The following HEMK2 variants were observed in gnomAD, a reference collection of about 807,000 sequenced individuals.
The protein encoded by HEMK2 is HemK methyltransferase 2, ETF1 glutamine and histone H4 lysine, also known as methyltransferase HEMK2.
the HEMK2 span, among the ~76,000 whole-genome samples, chr21:28,733,103 C>T: frequency 1.3e-5 from 2 of 152,156 alleles, no homozygotes; most frequent in South Asian, 4.2e-4. Flanking sequence ...CACGGTGAAA[C>T]CCCGTCTCTA....
chr21:28,831,474 A>G, the HEMK2 span, among the ~76,000 whole-genome samples: 80 of 42,442 alleles, frequency 1.9e-3, 1 homozygote, highest in African/African-American at 0.011. Flanking sequence ...AAAGAAAGAA[A>G]GAAAGAAAGA....
At chr21:28,817,368 T>C in the HEMK2 span, among the ~76,000 whole-genome samples, 1 of 152,162 alleles carries the variant, frequency 6.6e-6, no homozygotes, top group Non-Finnish European at 1.5e-5. Context: ...AGATATAGAA[T>C]ACAATAAATT....
chr21:28,602,043 G>A, the HEMK2 span, among the ~76,000 whole-genome samples: 3 of 152,138 alleles, frequency 2.0e-5, no homozygotes, highest in African/African-American at 2.4e-5. Context: ...GCTTGTACAA[G>A]CCTAATTTCC....
chr21:28,839,002 CAT>C, the HEMK2 span, among the ~76,000 whole-genome samples: 1 of 33,660 alleles, frequency 3.0e-5, no homozygotes, highest in Admixed American at 4.8e-4. Context: ...TATATATATA[CAT>C]ATATATACAC....
At chr21:28,806,330 CAT>C in the HEMK2 span, among the ~76,000 whole-genome samples, 28 of 152,268 alleles carry the variant, frequency 1.8e-4, no homozygotes, top group Admixed American at 3.3e-4. Context: ...TGTAAAATGT[CAT>C]ATGCCATATG....
the HEMK2 span, among the ~76,000 whole-genome samples, chr21:28,825,562 TAAAC>T: frequency 6.6e-6 from 1 of 152,110 alleles, no homozygotes; most frequent in Non-Finnish European, 1.5e-5. Flanking sequence ...ACTAGGCAGA[TAAAC>T]AAAACAGGAG....
chr21:28,581,238 T>A, the HEMK2 span, among the ~76,000 whole-genome samples: 2 of 151,106 alleles, frequency 1.3e-5, no homozygotes, highest in Non-Finnish European at 2.9e-5. Flanking sequence ...TTTTTTTTTT[T>A]AAACAGCTAG....
At chr21:28,796,196 G>A in the HEMK2 span, among the ~76,000 whole-genome samples, 3 of 152,204 alleles carry the variant, frequency 2.0e-5, no homozygotes, top group Middle Eastern at 3.4e-3. Context: ...GTGCAGTGGC[G>A]CTGTCTCAGC....
At chr21:28,841,190 AATATATATAT>A in the HEMK2 span, among the ~76,000 whole-genome samples, 13 of 21,442 alleles carry the variant, frequency 6.1e-4, 3 homozygotes, top group African/African-American at 4.1e-3. Flanking sequence ...TATATATTAT[AATATATATAT>A]TATATAATAT....
the HEMK2 span, among the ~76,000 whole-genome samples, chr21:28,656,995 A>G: frequency 6.6e-6 from 1 of 152,140 alleles, no homozygotes; most frequent in African/African-American, 2.4e-5. Flanking sequence ...CTCAACAAGT[A>G]ATTAGCCTTT....
At chr21:28,740,515 T>C in the HEMK2 span, among the ~76,000 whole-genome samples, 1 of 152,220 alleles carries the variant, frequency 6.6e-6, no homozygotes, top group African/African-American at 2.4e-5. Context: ...AATTAATCCA[T>C]GCAAAATATA....
chr21:28,635,709 A>C, the HEMK2 span, among the ~76,000 whole-genome samples: 1 of 152,128 alleles, frequency 6.6e-6, no homozygotes, highest in South Asian at 2.1e-4. Flanking sequence ...AAATATGAGG[A>C]AACAGTGGCC....
the HEMK2 span, among the ~76,000 whole-genome samples, chr21:28,737,462 T>G: frequency 6.6e-6 from 1 of 152,162 alleles, no homozygotes; most frequent in Non-Finnish European, 1.5e-5. Flanking sequence ...TAAAATGTTT[T>G]TGAGGCTTTA....
chr21:28,583,253 T>G, the HEMK2 span, among the ~76,000 whole-genome samples: 3 of 152,246 alleles, frequency 2.0e-5, no homozygotes, highest in Admixed American at 2.0e-4. Context: ...AAAGCATTAC[T>G]ACATGATTCA....
the HEMK2 span, among the ~76,000 whole-genome samples, chr21:28,663,568 G>A: frequency 1.3e-5 from 2 of 152,206 alleles, no homozygotes; most frequent in East Asian, 1.9e-4. Flanking sequence ...CCATCACATG[G>A]CCCATCGGCA....
chr21:28,586,797 G>A, the HEMK2 span, among the ~76,000 whole-genome samples: 4 of 152,120 alleles, frequency 2.6e-5, no homozygotes, highest in African/African-American at 9.7e-5. Flanking sequence ...CCCACTTTCT[G>A]GTTCATAACA....
At chr21:28,639,360 G>A in the HEMK2 span, among the ~76,000 whole-genome samples, 1 of 152,202 alleles carries the variant, frequency 6.6e-6, no homozygotes, top group Non-Finnish European at 1.5e-5. Context: ...AGAGAAGAAT[G>A]TGGATCAATT....
At chr21:28,810,350 G>A in the HEMK2 span, among the ~76,000 whole-genome samples, 1 of 152,128 alleles carries the variant, frequency 6.6e-6, no homozygotes, top group Non-Finnish European at 1.5e-5. Context: ...AAGACTGAGA[G>A]AGCAACAGTC....
chr21:28,835,474 G>A, the HEMK2 span, among the ~76,000 whole-genome samples: 1 of 152,036 alleles, frequency 6.6e-6, no homozygotes, highest in East Asian at 1.9e-4. Context: ...CAACCCGTGG[G>A]AGAACCTGAA....
Sources: allele counts gnomAD v4.1 joint callset (sites outside exome capture counted in the v4.1 genomes callset), GRCh38; gene constraint gnomAD v4.1.1; transcripts MANE v1.5; gene names NCBI Gene and HGNC (gene_info 2026-07-23, HGNC 2026-07-21).